Variants in RYR3 observed in about 807,000 individuals in gnomAD.
RYR3 encodes the protein ryanodine receptor 3.
In RYR3, 207 loss-of-function variants were observed where a neutral mutation model predicts 584.3. That is an observed-to-expected ratio of 0.35 (90% CI 0.32 to 0.40). RYR3 has a LOEUF of 0.40. RYR3 is among the 10% of genes least tolerant of loss of function. RYR3 has a pLI of 1.00. For synonymous variants in RYR3, 2,416 were observed against 2,248.5 expected, an observed-to-expected ratio of 1.07 and a Z score of -2.11; for missense variants, 5,616 against 6,089.2, an observed-to-expected ratio of 0.92 and a Z score of 2.59.
chr15:33,813,469 G>A lies in RYR3; in HGVS notation c.10392G>A (p.Val3464=), dbSNP rs781450371. 2 of 1,613,278 alleles carry A rather than the reference G, an allele frequency of 1.2e-6. No individual in the cohort carries two copies. Among genetic ancestry groups the A allele is most frequent in the South Asian group, 1.1e-5 (1 of 91,044 alleles). The part of the protein sequence containing the change: ...ISAAVFHLEQ[V]EQPLRSKKAV... ...CAACCGATGTGATCTCTTCTCAGGT[G>A]GAACAGCCTTTGAGGTCCAAGAAGG... The change falls in exon 74 of 104, where the codon GTG becomes GTA. Residue 3464 remains valine (V), a splice_region_variant and synonymous_variant. Coordinates refer to ENST00000634891, the MANE Select transcript of RYR3 (RefSeq NM_001036.6).
chr15:33,463,074 G>A (rs1386189167), intron 1 of RYR3, among the ~76,000 whole-genome samples: 3 of 151,950 alleles, frequency 2.0e-5, no homozygotes, highest in African/African-American at 7.3e-5. Flanking sequence ...GGCGGTGGGA[G>A]GATTGCTTGA....
intron 64 of RYR3, among the ~76,000 whole-genome samples, chr15:33,776,626 C>T (rs2074009128): frequency 6.6e-6 from 1 of 152,206 alleles, no homozygotes; most frequent in South Asian, 2.1e-4. Context: ...GCTGTCTAGA[C>T]CCGTGTCCTG....
At chr15:33,442,464 AAC>A (rs1385054531) in intron 1 of RYR3, among the ~76,000 whole-genome samples, 1 of 152,252 alleles carries the variant, frequency 6.6e-6, no homozygotes, top group Non-Finnish European at 1.5e-5. Flanking sequence ...TTTGAAAAGA[AAC>A]AACTTCAGAG....
chr15:33,784,449 C>T (rs1041549414), intron 65 of RYR3, among the ~76,000 whole-genome samples: 1 of 152,248 alleles, frequency 6.6e-6, no homozygotes, highest in East Asian at 1.9e-4. Context: ...TTGCAGTCTT[C>T]TGCTTTATCT....
intron 17 of RYR3, among the ~76,000 whole-genome samples, chr15:33,602,152 A>G (rs1039089636): frequency 1.3e-5 from 2 of 152,204 alleles, no homozygotes; most frequent in Non-Finnish European, 2.9e-5. Context: ...CTAATCCACA[A>G]TGGCAAGAAT....
rs1890165339 is a variant in RYR3, at chr15:33,865,398, T to G, written c.*172T>G. On this transcript the variant is annotated 3_prime_UTR_variant, in exon 104 of 104. Transcript: ENST00000634891. ...TGAAATTGATTTGGCTTTTTGTGCC[T>G]AATGGACATACACTGTGGGAGAGAA... The G allele has an allele frequency of 5.1e-6, 3 of 588,614 alleles. No individual in the cohort carries two copies. Among genetic ancestry groups the G allele is most frequent in the Non-Finnish European group, 9.0e-6 (3 of 331,640 alleles). 36.5% of individuals were successfully genotyped at this position (588,614 alleles called of 1,614,324 possible).
At chr15:33,787,073 C>T (rs552999752) in intron 66 of RYR3, among the ~76,000 whole-genome samples, 40 of 152,274 alleles carry the variant, frequency 2.6e-4, no homozygotes, top group Middle Eastern at 6.8e-3. Flanking sequence ...CCTAGAGGTG[C>T]GCAGAGGGAA....
At chr15:33,775,306 A>G (rs1310327632) in intron 64 of RYR3, among the ~76,000 whole-genome samples, 1 of 139,492 alleles carries the variant, frequency 7.2e-6, no homozygotes, top group Non-Finnish European at 1.5e-5. Context: ...TGTGTTGGTT[A>G]TTAGGTACAT....
Position 33,772,089 on chromosome 15 carries a change from G to T in RYR3, c.8986G>T (p.Ala2996Ser), listed in dbSNP as rs369133899. The change falls in exon 63 of 104, where the codon GCT becomes TCT. Residue 2996 changes from alanine (A) to serine (S), a missense_variant. Transcript: ENST00000634891. ...VSQNINYTTV[A>S]LLPILTSIFE... ...TCAGAATATTAACTACACTACAGTG[G>T]CTCTGCTCCCCATCCTGACGTCCAT... The T allele has an allele frequency of 7.4e-6, 12 of 1,613,672 alleles. No individual in the cohort carries two copies. Among genetic ancestry groups the T allele is most frequent in the Non-Finnish European group, 1.0e-5 (12 of 1,179,836 alleles).
intron 78 of RYR3, 25 bp from the exon 79 acceptor site, chr15:33,821,245 T>C: frequency 6.7e-7 from 1 of 1,503,226 alleles, no homozygotes; most frequent in Non-Finnish European, 8.8e-7. Context: ...AACCAATCTT[T>C]CCCTGTGATT....
intron 67 of RYR3, among the ~76,000 whole-genome samples, chr15:33,799,913 A>G (rs1265242103): frequency 2.1e-5 from 3 of 144,142 alleles, no homozygotes; most frequent in Non-Finnish European, 4.5e-5. Context: ...AGAAGCGTTG[A>G]GCAGAGAAAC....
chr15:33,537,929 TCTTC>T (rs973085671), intron 5 of RYR3, among the ~76,000 whole-genome samples: 7 of 152,232 alleles, frequency 4.6e-5, no homozygotes, highest in Admixed American at 3.9e-4. Flanking sequence ...CTGTTTTTTG[TCTTC>T]CTTCCTTCTG....
At chr15:33,676,872 A>G (rs575891337) in intron 38 of RYR3, among the ~76,000 whole-genome samples, 29 of 152,292 alleles carry the variant, frequency 1.9e-4, no homozygotes, top group Admixed American at 1.0e-3. Context: ...TGTTGAATCA[A>G]TCATTGTCAG....
chr15:33,636,352 A>C (rs2061499332), intron 26 of RYR3, 24 bp from the exon 27 acceptor site: 2 of 1,610,372 alleles, frequency 1.2e-6, no homozygotes, highest in African/African-American at 2.7e-5. Context: ...CCATTTCTCT[A>C]AGCCCTAGAG....
At chr15:33,335,513 C>T (rs992113290) in intron 1 of RYR3, among the ~76,000 whole-genome samples, 6 of 151,968 alleles carry the variant, frequency 3.9e-5, no homozygotes, top group African/African-American at 1.5e-4. Flanking sequence ...GAACAGCATA[C>T]GTTGGGGCCT....
At chr15:33,539,179 A>C in intron 5 of RYR3, 171 bp from the exon 6 acceptor site, 1 of 535,126 alleles carries the variant, frequency 1.9e-6, no homozygotes, top group Non-Finnish European at 3.4e-6. Context: ...CATAGTCAAG[A>C]GCAGATGGGG....
In RYR3 at chr15:33,503,822, CT is replaced by C; in HGVS notation, c.279+85del. 6 of 803,120 alleles carry C rather than the reference CT, an allele frequency of 7.5e-6. No individual in the cohort carries two copies. In the Middle Eastern group the frequency reaches 1.5e-3, roughly 201 times the overall value. 49.7% of individuals were successfully genotyped at this position (803,120 alleles called of 1,614,324 possible). A position where few individuals can be genotyped will look rare whatever the true frequency, so the allele number is the denominator to read the frequency against. Reference sequence around the variant, plus strand: ...GTTCTACATTTCATCCAACTTTGAACTGAAAAATTTTAAGACTGTTGAGATG... The same window carrying C: ...GTTCTACATTTCATCCAACTTTGAACGAAAAATTTTAAGACTGTTGAGATG... On this transcript the variant is annotated intron_variant, in intron 3 of 103. Coordinates refer to ENST00000634891, the MANE Select transcript of RYR3 (RefSeq NM_001036.6).
chr15:33,648,895 C>A (rs2152682723), intron 30 of RYR3, among the ~76,000 whole-genome samples, 177 bp from the exon 31 acceptor site: 1 of 152,324 alleles, frequency 6.6e-6, no homozygotes, highest in South Asian at 2.1e-4. Flanking sequence ...AAGCCAGAAT[C>A]CCTATTCAGC....
At chr15:33,503,500 C>A in intron 2 of RYR3, 131 bp from the exon 3 acceptor site, 1 of 621,416 alleles carries the variant, frequency 1.6e-6, no homozygotes, top group Non-Finnish European at 2.9e-6. Context: ...GAGAAAGCCA[C>A]CTTTTTGCAT....
Sources: allele counts gnomAD v4.1 joint callset (sites outside exome capture counted in the v4.1 genomes callset), GRCh38; gene constraint gnomAD v4.1.1; transcripts MANE v1.5; gene names NCBI Gene and HGNC (gene_info 2026-07-23, HGNC 2026-07-21).